The following GRK5 variants were observed in gnomAD, a reference collection of about 807,000 sequenced individuals.
The protein encoded by GRK5 is g protein-coupled receptor kinase GRK5.
In GRK5, 40 loss-of-function variants were observed where a neutral mutation model predicts 78.4. The ratio of observed to expected loss-of-function variants is 0.51; its 90% CI spans 0.40 to 0.66. The LOEUF (loss-of-function observed/expected upper bound fraction) is 0.66, where lower values mean the gene tolerates loss of function less well. GRK5 is among the 30% of genes least tolerant of loss of function. The probability of loss-of-function intolerance (pLI) is 0.00; values close to 1 mark genes in which losing one functional copy is unlikely to be tolerated. For synonymous variants in GRK5, 289 were observed against 296.8 expected (o/e 0.97, Z 0.27); for missense variants, 598 against 759.9 (o/e 0.79, Z 2.50).
chr10:119,337,265 A>C (rs1275372541), intron 2 of GRK5, among the ~76,000 whole-genome samples: 5 of 152,226 alleles, frequency 3.3e-5, no homozygotes, highest in Non-Finnish European at 5.9e-5. Flanking sequence ...CCAGAGAAAC[A>C]AGGTCTTGCC....
chr10:119,423,228 A>T lies in GRK5; in HGVS notation c.402A>T (p.Leu134=). ...DLVSQTEEKL[L]QKPCKELFSA... is the part of the protein sequence containing the mutation. ...TCTCCCAGACGGAGGAGAAGCTCCT[A>T]CAGAAGCCGTGCAAAGAACTCTTTT... is the stretch of plus-strand genomic sequence containing the variant. The change falls in exon 5 of 16, where the codon CTA becomes CTT. Residue 134 remains leucine, a synonymous_variant. Transcript: ENST00000392870. 1.9e-6 allele frequency: 3 copies of T among 1,614,114 alleles called. No homozygotes were observed. The highest frequency in any genetic ancestry group is 2.5e-6 in the Non-Finnish European group (3 of 1,179,968).
chr10:119,333,378 G>A (rs1850816924), intron 2 of GRK5: 1 of 185,178 alleles, frequency 5.4e-6, no homozygotes, highest in South Asian at 1.0e-4. Context: ...GGAAGCTGGT[G>A]GCTCCTGGGG....
intron 1 of GRK5, among the ~76,000 whole-genome samples, chr10:119,322,117 ATTTTAT>A (rs1222817502): frequency 2.0e-5 from 3 of 151,840 alleles, no homozygotes; most frequent in Non-Finnish European, 2.9e-5. Context: ...CCAGCTACTT[ATTTTAT>A]TTTTATTTTT....
chr10:119,439,646 T>G lies in GRK5; in HGVS notation c.930-85T>G, dbSNP rs1852991123. 2.2e-5 allele frequency: 30 copies of G among 1,335,716 alleles called. No individual in the cohort carries two copies. In the South Asian group the frequency reaches 3.4e-4, roughly 15 times the overall value. 82.7% of individuals were successfully genotyped at this position (1,335,716 alleles called of 1,614,324 possible). On this transcript the variant is annotated intron_variant, in intron 9 of 15. Coordinates refer to ENST00000392870, the MANE Select transcript of GRK5 (RefSeq NM_005308.3). ...ACACACTGTGGCCACTCAGGCCTGATTAGCCCGAGGGGTCGACCCAGATGC... is the reference window on the plus strand; with the variant it reads ...ACACACTGTGGCCACTCAGGCCTGAGTAGCCCGAGGGGTCGACCCAGATGC...
At chr10:119,323,987 C>G (rs1850631571) in intron 1 of GRK5, among the ~76,000 whole-genome samples, 1 of 152,180 alleles carries the variant, frequency 6.6e-6, no homozygotes, top group African/African-American at 2.4e-5. Context: ...AACAAGCCAC[C>G]TAAGGGTCAC....
chr10:119,291,455 G>A (rs905201304), intron 1 of GRK5, among the ~76,000 whole-genome samples: 1 of 152,034 alleles, frequency 6.6e-6, no homozygotes, highest in South Asian at 2.1e-4. Flanking sequence ...GCTGCCTCGG[G>A]CGCTGGTGGG....
intron 1 of GRK5, among the ~76,000 whole-genome samples, chr10:119,290,367 AAAAC>A (rs1554903197): frequency 7.3e-6 from 1 of 137,486 alleles, no homozygotes. Context: ...AAAAAAACAA[AAAAC>A]AACTCTGTCC....
chr10:119,363,524 C>T (rs141643810), intron 2 of GRK5, among the ~76,000 whole-genome samples: 7 of 152,266 alleles, frequency 4.6e-5, no homozygotes, highest in South Asian at 2.1e-4. Context: ...AGGTGGAAGC[C>T]GGTTTGTCCC....
rs929066096 is a variant in GRK5, at chr10:119,320,110, A to T, written c.53-6406A>T. Among the ~76,000 whole-genome samples the T allele has an allele frequency of 5.9e-5, 9 of 152,304 alleles. No homozygotes were observed. The South Asian group carries it at 6.2e-4, about 11-fold the overall frequency. ...TGAAGAACAAGCATTCCTGGCAGAG[A>T]AAGCCATGCCTGTAGGGTCGGAGTG... On this transcript the variant is annotated intron_variant, in intron 1 of 15. Transcript: ENST00000392870.
rs187849073 is a variant in GRK5 at position 119,272,626 on chromosome 10, T to C, written c.53-53890T>C. ...AGAAAGAAACAAGAAACTGAGTGGA[T>C]GAGATCTCTATTTCATGGGGTCGTT... On this transcript the variant is annotated intron_variant, in intron 1 of 15. Coordinates refer to ENST00000392870, the MANE Select transcript of GRK5 (RefSeq NM_005308.3). Among the ~76,000 whole-genome samples, 77 of 148,796 alleles carry C rather than the reference T, an allele frequency of 5.2e-4. 1 individual carries two copies. Among genetic ancestry groups the C allele is most frequent in the South Asian group, 6.5e-4 (3 of 4,644 alleles).
chr10:119,236,665 AG>A (rs1325685094), intron 1 of GRK5, among the ~76,000 whole-genome samples: 4 of 151,860 alleles, frequency 2.6e-5, no homozygotes, highest in Non-Finnish European at 5.9e-5. Context: ...TTTGAGACGG[AG>A]TCTTGCTCTG....
At position 119,238,154 on chromosome 10, in the gene GRK5, T is replaced by A. The variant is rs77842592; in HGVS notation, c.52+30185T>A. 0.14 allele frequency among the ~76,000 whole-genome samples: 21,295 copies of A among 152,160 alleles called. 1,975 individuals carry two copies. The highest frequency in any genetic ancestry group is 0.19 in the Non-Finnish European group (12,742 of 67,986). On this transcript the variant is annotated intron_variant, in intron 1 of 15. Coordinates refer to ENST00000392870, the MANE Select transcript of GRK5 (RefSeq NM_005308.3). This position sits in a 1 kb window ranked among gnomAD's most constrained non-coding sequence, Gnocchi z 4.7. ...TGGGTCCAGAGAGGGTTTTCTGGTC[T>A]GAAGAGGAGAGTGTGCCCCTCACAG... is the stretch of plus-strand genomic sequence containing the variant.
At chr10:119,355,017 T>C (rs1851244673) in intron 2 of GRK5, among the ~76,000 whole-genome samples, 1 of 152,198 alleles carries the variant, frequency 6.6e-6, no homozygotes, top group Non-Finnish European at 1.5e-5. Flanking sequence ...ATATAACCAA[T>C]GTAATTCTCC....
rs993912483 is a variant in GRK5 at position 119,207,811 on chromosome 10, CG to C, written c.-105del. On this transcript the variant is annotated 5_prime_UTR_variant, in exon 1 of 16. Coordinates refer to ENST00000392870, the MANE Select transcript of GRK5 (RefSeq NM_005308.3). Reference sequence around the variant, plus strand: ...AGGCAAGGCGGGCTGCTGGCTCCCCCGGCTCCGGCAGCAGCGGCGGCAGCCC... The same window carrying C: ...AGGCAAGGCGGGCTGCTGGCTCCCCCGCTCCGGCAGCAGCGGCGGCAGCCC... 3.6e-6 allele frequency: 4 copies of C among 1,100,368 alleles called. No homozygotes were observed. The highest frequency in any genetic ancestry group is 5.1e-6 in the Non-Finnish European group (4 of 777,584). 68.2% of individuals were successfully genotyped at this position (1,100,368 alleles called of 1,614,324 possible). A position where few individuals can be genotyped will look rare whatever the true frequency, so the allele number is the denominator to read the frequency against.
chr10:119,240,812 G>A (rs1849012475), intron 1 of GRK5, among the ~76,000 whole-genome samples: 1 of 152,120 alleles, frequency 6.6e-6, no homozygotes, highest in African/African-American at 2.4e-5. Flanking sequence ...GAACTCCTGA[G>A]CTCAAGCAAT....
chr10:119,275,611 T>TCTCG (rs574879389), intron 1 of GRK5, among the ~76,000 whole-genome samples: 3,409 of 123,894 alleles, frequency 0.028, 62 homozygotes, highest in Non-Finnish European at 0.04. Context: ...TCTCTCTCTC[T>TCTCG]CGCACACACA....
In GRK5 at chr10:119,383,055, G is replaced by A. The variant is rs573126049; in HGVS notation, c.261+2128G>A. ...TCCTGCCTCAGCCTCCCGAGTAGCT[G>A]GGCCTACAGGCGCCCGCCACTACAC... On this transcript the variant is annotated intron_variant, in intron 3 of 15. Coordinates refer to ENST00000392870, the MANE Select transcript of GRK5 (RefSeq NM_005308.3). Among the ~76,000 whole-genome samples the A allele has an allele frequency of 2.6e-5, 4 of 152,152 alleles. No individual in the cohort carries two copies. The South Asian group carries it at 8.3e-4, about 32-fold the overall frequency.
chr10:119,261,304 G>A (rs1400882743), intron 1 of GRK5, among the ~76,000 whole-genome samples: 2 of 147,976 alleles, frequency 1.4e-5, no homozygotes, highest in African/African-American at 5.0e-5. Context: ...CAGACAGGGC[G>A]GCGGGGCAGA....
chr10:119,308,687 G>A (rs868322662), intron 1 of GRK5, among the ~76,000 whole-genome samples: 1 of 152,382 alleles, frequency 6.6e-6, no homozygotes, highest in South Asian at 2.1e-4. Context: ...CTTACGCCTC[G>A]TTCTGAGGAT....
Sources: gnomAD v4.1 joint callset for allele counts (sites outside exome capture counted in the v4.1 genomes callset) on GRCh38, gnomAD v4.1.1 for gene constraint, Gnocchi (gnomAD v3.1) non-coding constraint, MANE v1.5 for transcripts, NCBI Gene and HGNC (gene_info 2026-07-23, HGNC 2026-07-21) for gene names.